Variants in ADAMTS18 observed in about 807,000 individuals in gnomAD.
ADAMTS18 encodes A disintegrin and metalloproteinase with thrombospondin motifs 18.
Under a neutral mutation model 165.9 loss-of-function variants are expected in ADAMTS18, and 157 were observed. The observed-to-expected ratio is 0.95, with a 90% CI of 0.83 to 1.08. The LOEUF is 1.08. Ranked by LOEUF, ADAMTS18 falls within the 50% of genes least tolerant of loss-of-function variation. ADAMTS18 has a pLI of 0.00. For synonymous variants in ADAMTS18, 782 were observed against 578.2 expected (o/e 1.35, Z -5.06); for missense variants, 2,040 against 1,534.0 (o/e 1.33, Z -5.51).
chr16:77,326,136 C>A, intron 12 of ADAMTS18, 98 bp from the exon 13 acceptor site: 2 of 1,190,538 alleles, frequency 1.7e-6, no homozygotes, highest in Non-Finnish European at 2.4e-6. Flanking sequence ...ATGAGCACTG[C>A]CACAGTGTAT....
chr16:77,321,582 C>T (rs1460524900), intron 14 of ADAMTS18, among the ~76,000 whole-genome samples: 1 of 151,750 alleles, frequency 6.6e-6, no homozygotes, highest in Non-Finnish European at 1.5e-5. Context: ...AGGGCTCAAA[C>T]TAAAATTAAA....
chr16:77,323,434 A>T (rs988696631), intron 13 of ADAMTS18, among the ~76,000 whole-genome samples: 1 of 152,070 alleles, frequency 6.6e-6, no homozygotes, highest in Non-Finnish European at 1.5e-5. Context: ...CCCATCTATA[A>T]TTTTTTTTAA....
chr16:77,384,538 T>C (rs1190573194), intron 3 of ADAMTS18, among the ~76,000 whole-genome samples: 1 of 152,178 alleles, frequency 6.6e-6, no homozygotes. Flanking sequence ...AGACCATCTC[T>C]GAGGGTAGTG....
At chr16:77,394,540 A>T (rs532385753) in intron 3 of ADAMTS18, among the ~76,000 whole-genome samples, 200 of 152,292 alleles carry the variant, frequency 1.3e-3, no homozygotes, top group African/African-American at 4.6e-3. Context: ...ATTTGTGTGA[A>T]AAGGAAGTGA....
intron 22 of ADAMTS18, among the ~76,000 whole-genome samples, chr16:77,285,165 G>A (rs1376594781): frequency 1.3e-5 from 2 of 152,030 alleles, no homozygotes; most frequent in African/African-American, 2.4e-5. Context: ...AGGAGCAAGG[G>A]CCCAGTCATT....
At chr16:77,286,123 C>T (rs765336607) in intron 22 of ADAMTS18, among the ~76,000 whole-genome samples, 3 of 152,138 alleles carry the variant, frequency 2.0e-5, no homozygotes, top group African/African-American at 7.2e-5. Context: ...CTCCAAGCAT[C>T]GTGCCATTCC....
chr16:77,373,703 A>C (rs1281035063), intron 3 of ADAMTS18, among the ~76,000 whole-genome samples: 1 of 152,164 alleles, frequency 6.6e-6, no homozygotes, highest in African/African-American at 2.4e-5. Context: ...CTGTCCCCCA[A>C]AAACCTATGG....
In ADAMTS18 at chr16:77,355,939, C is replaced by T; in HGVS notation, c.1460+1G>A. The T allele has an allele frequency of 6.2e-7, 1 of 1,613,980 alleles. No homozygotes were observed. Among genetic ancestry groups the T allele is most frequent in the Non-Finnish European group, 8.5e-7 (1 of 1,179,902 alleles). ...GCACCCCAGGATTTAACCTGTCATA[C>T]CTGAGGAATTTCTTGAGATACTGGC... On this transcript the variant is annotated splice_donor_variant, in intron 9 of 22. Transcript: ENST00000282849. LOFTEE classifies it high-confidence loss of function.
intron 8 of ADAMTS18, among the ~76,000 whole-genome samples, chr16:77,357,667 C>T (rs1035596834): frequency 7.9e-4 from 120 of 152,238 alleles, no homozygotes; most frequent in African/African-American, 2.7e-3. Context: ...AAAATCAAGT[C>T]GGAATTTAAT....
chr16:77,402,868 A>C (rs1330726139), intron 3 of ADAMTS18, among the ~76,000 whole-genome samples: 1 of 152,154 alleles, frequency 6.6e-6, no homozygotes, highest in Non-Finnish European at 1.5e-5. Context: ...TGAATTTTTT[A>C]CCTTTGTGTC....
chr16:77,312,720 C>A (rs1358370301), intron 16 of ADAMTS18, among the ~76,000 whole-genome samples: 2 of 152,174 alleles, frequency 1.3e-5, no homozygotes, highest in South Asian at 2.1e-4. Context: ...CCATCAGAGA[C>A]ATGCAAATCA....
intron 12 of ADAMTS18, among the ~76,000 whole-genome samples, chr16:77,331,829 G>A (rs9929799): frequency 1.3e-5 from 2 of 151,926 alleles, no homozygotes; most frequent in African/African-American, 2.4e-5. Context: ...TGCGATATTC[G>A]AAGCAGCACC....
At chr16:77,380,163 C>T (rs932023195) in intron 3 of ADAMTS18, among the ~76,000 whole-genome samples, 1 of 152,208 alleles carries the variant, frequency 6.6e-6, no homozygotes, top group East Asian at 1.9e-4. Context: ...CTCACTAACC[C>T]ACTGGGGCTC....
At chr16:77,354,028 T>C in intron 9 of ADAMTS18, 142 bp from the exon 10 acceptor site, 8 of 1,059,404 alleles carry the variant, frequency 7.6e-6, no homozygotes, top group Non-Finnish European at 1.2e-5. Context: ...TTCAAATCTA[T>C]GTTTATGCCA....
intron 11 of ADAMTS18, among the ~76,000 whole-genome samples, chr16:77,338,618 T>C (rs1435648163): frequency 6.6e-6 from 1 of 152,010 alleles, no homozygotes. Flanking sequence ...ATAGACAGCA[T>C]GTACAAACCT....
chr16:77,337,004 C>T (rs116426320), intron 11 of ADAMTS18, among the ~76,000 whole-genome samples: 1,647 of 152,270 alleles, frequency 0.011, 29 homozygotes, highest in African/African-American at 0.037. Context: ...TTATCCCCTG[C>T]GATACATTTG....
chr16:77,372,804 C>T (rs887543042), intron 3 of ADAMTS18, among the ~76,000 whole-genome samples: 2 of 152,164 alleles, frequency 1.3e-5, no homozygotes, highest in African/African-American at 4.8e-5. Context: ...CTTATTTGGA[C>T]ACTTTCTATT....
At chr16:77,389,580 C>T (rs1008662252) in intron 3 of ADAMTS18, among the ~76,000 whole-genome samples, 2 of 152,112 alleles carry the variant, frequency 1.3e-5, no homozygotes, top group Admixed American at 1.3e-4. Flanking sequence ...CAGTTTCTTA[C>T]CAGGAAGACC....
intron 3 of ADAMTS18, among the ~76,000 whole-genome samples, chr16:77,380,711 T>C (rs902117354): frequency 2.0e-5 from 3 of 152,178 alleles, no homozygotes; most frequent in South Asian, 2.1e-4. Context: ...AATCAACAGA[T>C]GTTGGTATGG....
Sources: gnomAD v4.1 joint callset for allele counts (sites outside exome capture counted in the v4.1 genomes callset) on GRCh38, gnomAD v4.1.1 for gene constraint, MANE v1.5 for transcripts, NCBI Gene and HGNC (gene_info 2026-07-23, HGNC 2026-07-21) for gene names.